Variants in ZFHX3 observed in about 807,000 individuals in gnomAD.
ZFHX3 encodes the protein zinc finger homeobox 3, also known as zinc finger homeobox protein 3.
ZFHX3 carries 42 observed loss-of-function variants against 279.1 expected under a neutral mutation model. The ratio of observed to expected loss-of-function variants is 0.15; its 90% CI spans 0.12 to 0.19. The LOEUF is 0.19. Ranked by LOEUF, ZFHX3 falls within the 10% of genes least tolerant of loss-of-function variation. The pLI, the probability that ZFHX3 is intolerant of heterozygous loss-of-function variation, is 1.00. For missense variants in ZFHX3, 4,981 were observed against 4,754.0 expected (o/e 1.05, Z -1.40); for synonymous variants, 2,293 against 1,957.8 (o/e 1.17, Z -4.52).
chr16:73,458,221 G>T (rs2018407778), intron 2 of ZFHX3, among the ~76,000 whole-genome samples: 1 of 151,830 alleles, frequency 6.6e-6, no homozygotes, highest in East Asian at 1.9e-4. Context: ...GCCCCAGAGT[G>T]GTTACCTGCC....
chr16:73,839,126 C>T lies in ZFHX3; in HGVS notation c.-1608+52525G>A, dbSNP rs35102615. Among the ~76,000 whole-genome samples the T allele has an allele frequency of 8.9e-3, 1,344 of 151,458 alleles. 9 individuals carry two copies. Among genetic ancestry groups the T allele is most frequent in the Middle Eastern group, 0.024 (7 of 292 alleles). ...TGTATGTTATATTGGCCTGGTTGTA[C>T]GAAAGCAGAAAAAAGTTAGGTTGGC... is the stretch of plus-strand genomic sequence containing the variant. On this transcript the variant is annotated intron_variant, in intron 1 of 17. Transcript: ENST00000641206.
intron 6 of ZFHX3, among the ~76,000 whole-genome samples, chr16:73,143,340 A>T (rs1966852356): frequency 6.6e-6 from 1 of 152,074 alleles, no homozygotes; most frequent in Non-Finnish European, 1.5e-5. Flanking sequence ...TCACCAAGAA[A>T]TGCTCAGAGA....
At chr16:73,181,815 G>C (rs752008180) in intron 5 of ZFHX3, among the ~76,000 whole-genome samples, 1 of 152,128 alleles carries the variant, frequency 6.6e-6, no homozygotes, top group African/African-American at 2.4e-5. Flanking sequence ...ACTATGTAAA[G>C]GCACCAGCTG....
At chr16:73,493,683 G>A (rs561006879) in intron 2 of ZFHX3, among the ~76,000 whole-genome samples, 2 of 152,170 alleles carry the variant, frequency 1.3e-5, no homozygotes, top group South Asian at 2.1e-4. Context: ...TCCTTCCAAG[G>A]TCTTTCCCTG....
intron 3 of ZFHX3, among the ~76,000 whole-genome samples, chr16:72,909,509 ATTAT>A (rs1209649078): frequency 2.5e-3 from 380 of 152,288 alleles, no homozygotes; most frequent in Middle Eastern, 0.014. Flanking sequence ...GAACATATAC[ATTAT>A]CTTTCTCTCA....
At chr16:73,000,661 G>A (rs1237924215) in intron 1 of ZFHX3, among the ~76,000 whole-genome samples, 1 of 152,138 alleles carries the variant, frequency 6.6e-6, no homozygotes, top group Non-Finnish European at 1.5e-5. Context: ...AACACACACT[G>A]GATGTTTTCA....
At chr16:73,456,983 T>C (rs532049478) in intron 2 of ZFHX3, among the ~76,000 whole-genome samples, 317 of 152,314 alleles carry the variant, frequency 2.1e-3, no homozygotes, top group Non-Finnish European at 3.6e-3. Flanking sequence ...CTGGGGCTGT[T>C]GAAAGGGACA....
chr16:73,070,973 T>C (rs1252589830), intron 8 of ZFHX3, among the ~76,000 whole-genome samples: 4 of 128,486 alleles, frequency 3.1e-5, no homozygotes, highest in African/African-American at 1.3e-4. Flanking sequence ...CACACACACA[T>C]CTGGGTGCCC....
chr16:72,823,693 T>C (rs1011699030), intron 5 of ZFHX3, among the ~76,000 whole-genome samples: 1 of 152,186 alleles, frequency 6.6e-6, no homozygotes, highest in Non-Finnish European at 1.5e-5. Flanking sequence ...GCTCCAAGAT[T>C]CTATAATGCT....
At chr16:73,890,257 A>G (rs2030489095) in intron 1 of ZFHX3, among the ~76,000 whole-genome samples, 1 of 149,972 alleles carries the variant, frequency 6.7e-6, no homozygotes, top group Non-Finnish European at 1.5e-5. Flanking sequence ...AAAAAAAACA[A>G]CAAAAAAAAA....
chr16:73,301,496 C>T (rs2015054842), intron 4 of ZFHX3, among the ~76,000 whole-genome samples: 1 of 152,182 alleles, frequency 6.6e-6, no homozygotes, highest in Non-Finnish European at 1.5e-5. Flanking sequence ...CAGATGCCTA[C>T]TGGAACCTCC....
chr16:72,991,952 T>C (rs1385298147), intron 1 of ZFHX3, among the ~76,000 whole-genome samples: 2 of 152,158 alleles, frequency 1.3e-5, no homozygotes, highest in Non-Finnish European at 2.9e-5. Flanking sequence ...AGGTGGGTAT[T>C]TGTGGTTATA....
chr16:73,682,117 C>A (rs1381718029), intron 1 of ZFHX3, among the ~76,000 whole-genome samples: 1 of 152,156 alleles, frequency 6.6e-6, no homozygotes, highest in Non-Finnish European at 1.5e-5. Flanking sequence ...AGAACTTAGG[C>A]TCTGAAGTCA....
intron 3 of ZFHX3, among the ~76,000 whole-genome samples, chr16:72,900,009 G>T (rs2144124377): frequency 6.6e-6 from 1 of 151,948 alleles, no homozygotes; most frequent in South Asian, 2.1e-4. Flanking sequence ...TAGGAATTAT[G>T]ACATGGACAG....
intron 1 of ZFHX3, among the ~76,000 whole-genome samples, chr16:72,972,567 A>C (rs1962153150): frequency 6.6e-6 from 1 of 152,210 alleles, no homozygotes; most frequent in African/African-American, 2.4e-5. Context: ...TATGGATGTC[A>C]AGCCCCAGCC....
At chr16:73,261,326 T>G (rs2013817990) in intron 4 of ZFHX3, among the ~76,000 whole-genome samples, 1 of 152,202 alleles carries the variant, frequency 6.6e-6, no homozygotes, top group Non-Finnish European at 1.5e-5. Context: ...TCTATATGCT[T>G]GCTGATAAGT....
At chr16:73,255,744 A>G (rs1261731694) in intron 5 of ZFHX3, among the ~76,000 whole-genome samples, 1 of 152,166 alleles carries the variant, frequency 6.6e-6, no homozygotes, top group Non-Finnish European at 1.5e-5. Context: ...GGTCCCTGTG[A>G]TTCCTTGAGG....
chr16:73,468,155 G>T (rs1479782768), intron 2 of ZFHX3, among the ~76,000 whole-genome samples: 1 of 152,150 alleles, frequency 6.6e-6, no homozygotes, highest in East Asian at 1.9e-4. Flanking sequence ...AGTCCAAATG[G>T]AAGTGGCCCA....
Position 72,957,931 on chromosome 16 carries a change from C to G in ZFHX3, c.2215G>C (p.Gly739Arg). 1 of 1,614,178 alleles carries G rather than the reference C, an allele frequency of 6.2e-7. No homozygotes were observed. The highest frequency in any genetic ancestry group is 8.5e-7 in the Non-Finnish European group (1 of 1,180,042). The change falls in exon 2 of 10, where the codon GGC becomes CGC. Residue 739 changes from glycine (G) to arginine (R), a missense_variant. Physicochemically the swap from Gly to Arg is moderately radical, Grantham distance 125 (BLOSUM62 -2). Coordinates refer to ENST00000268489, the MANE Select transcript of ZFHX3 (RefSeq NM_006885.4). ...GACTGCATATGAATACTGAGGTTGC[C>G]TTTGGTAGTTGTGGAGTAGTTACAC... ...EVCNYSTTTKGNLSIHMQSDK... is the reference protein window; with the variant it reads ...EVCNYSTTTKRNLSIHMQSDK...
Sources: allele counts gnomAD v4.1 joint callset (sites outside exome capture counted in the v4.1 genomes callset), GRCh38; gene constraint gnomAD v4.1.1; transcripts MANE v1.5; gene names NCBI Gene and HGNC (gene_info 2026-07-23, HGNC 2026-07-21).